Variants in RALY observed in about 807,000 individuals in gnomAD.
RALY encodes RNA-binding protein Raly.
Under a neutral mutation model 30.7 loss-of-function variants are expected in RALY, and 15 were observed. That is an observed-to-expected ratio of 0.49 (90% CI 0.33 to 0.75). RALY has a LOEUF of 0.75. RALY is among the 30% of genes least tolerant of loss of function. The pLI is 0.02. For missense variants in RALY, 339 were observed against 414.3 expected, an observed-to-expected ratio of 0.82 and a Z score of 1.58; for synonymous variants, 177 against 170.8, an observed-to-expected ratio of 1.04 and a Z score of -0.28.
chr20:34,060,764 C>G lies in RALY; in HGVS notation c.-9-11302C>G, dbSNP rs537017287. On this transcript the variant is annotated intron_variant, in intron 2 of 9. Transcript: ENST00000246194. ...CCTACACACAGCAAGCTTTACCTCT[C>G]TGTATACTGTGTCATATGACCCACT... Among the ~76,000 whole-genome samples the G allele has an allele frequency of 3.9e-5, 6 of 152,270 alleles. No homozygotes were observed. The East Asian group carries it at 1.2e-3, about 29-fold the overall frequency.
chr20:34,054,327 G>A (rs1206160852), intron 2 of RALY, among the ~76,000 whole-genome samples: 1 of 152,218 alleles, frequency 6.6e-6, no homozygotes, highest in Non-Finnish European at 1.5e-5. Flanking sequence ...GAATTTAATG[G>A]AGGGAGACAG....
chr20:34,020,169 G>A (rs946367059), intron 1 of RALY, among the ~76,000 whole-genome samples: 6 of 152,194 alleles, frequency 3.9e-5, no homozygotes, highest in Admixed American at 6.5e-5. Flanking sequence ...AATTAGATAG[G>A]CATGTGAAGG....
At chr20:34,013,172 G>A (rs2031475651) in intron 1 of RALY, among the ~76,000 whole-genome samples, 1 of 152,006 alleles carries the variant, frequency 6.6e-6, no homozygotes, top group Admixed American at 6.6e-5. Flanking sequence ...TGTTTGGTAA[G>A]TTAGGTGTAT....
chr20:34,030,879 AC>A (rs1485605817), intron 1 of RALY, among the ~76,000 whole-genome samples: 1 of 151,960 alleles, frequency 6.6e-6, no homozygotes, highest in Non-Finnish European at 1.5e-5. Context: ...TTCATGTCTT[AC>A]CCCAGACTTC....
Position 34,081,730 on chromosome 20 carries a change from G to A in RALY, c.*1825G>A, listed in dbSNP as rs1208030821. 1 of 152,346 alleles carries A rather than the reference G, an allele frequency of 6.6e-6. No homozygotes were observed. The highest frequency in any genetic ancestry group is 1.5e-5 in the Non-Finnish European group (1 of 68,134). The allele number at this position is 152,346 out of a possible 1,614,324, so 9.4% of individuals were successfully genotyped here. Reference sequence around the variant, plus strand: ...CATCCTGGGCAGGCGAGCACTCTGAGGCCCCAGTGTAGCTCTGTGCTTTGA... The same window carrying A: ...CATCCTGGGCAGGCGAGCACTCTGAAGCCCCAGTGTAGCTCTGTGCTTTGA... On this transcript the variant is annotated 3_prime_UTR_variant, in exon 10 of 10. Coordinates refer to ENST00000246194, the MANE Select transcript of RALY (RefSeq NM_016732.3).
At chr20:34,071,682 G>A (rs1236691485) in intron 2 of RALY, among the ~76,000 whole-genome samples, 1 of 152,072 alleles carries the variant, frequency 6.6e-6, no homozygotes, top group East Asian at 1.9e-4. Context: ...ATCCTGAATG[G>A]GATAACATTT....
intron 2 of RALY, among the ~76,000 whole-genome samples, chr20:34,043,964 A>G (rs755695550): frequency 2.4e-4 from 36 of 151,980 alleles, no homozygotes; most frequent in Non-Finnish European, 4.4e-4. Flanking sequence ...ATGAAGGAAT[A>G]CCTCCCAGAA....
At chr20:34,029,460 GGAGGGAGGGAGGGAGGA>G (rs1184847890) in intron 1 of RALY, among the ~76,000 whole-genome samples, 1 of 127,696 alleles carries the variant, frequency 7.8e-6, no homozygotes, top group African/African-American at 3.4e-5. Flanking sequence ...AAGGAAGAAA[GGAGGGAGGGAGGGAGGA>G]AAGGGAGGGA....
intron 2 of RALY, among the ~76,000 whole-genome samples, chr20:34,038,279 T>C (rs1021808524): frequency 1.3e-5 from 2 of 152,160 alleles, no homozygotes; most frequent in African/African-American, 4.8e-5. Flanking sequence ...GGATTTTGGC[T>C]GTGGCAGTGA....
chr20:34,061,279 G>C (rs1225102763), intron 2 of RALY, among the ~76,000 whole-genome samples: 1 of 152,114 alleles, frequency 6.6e-6, no homozygotes, highest in Non-Finnish European at 1.5e-5. Context: ...AGTGTTTGGT[G>C]GCAAGTCCTT....
chr20:34,059,029 C>T (rs2033339934), intron 2 of RALY, among the ~76,000 whole-genome samples: 1 of 152,098 alleles, frequency 6.6e-6, no homozygotes, highest in Non-Finnish European at 1.5e-5. Flanking sequence ...GCATCATTCT[C>T]AGTGGTCCCC....
intron 2 of RALY, among the ~76,000 whole-genome samples, chr20:34,071,819 T>C (rs1037918080): frequency 1.3e-5 from 2 of 152,272 alleles, no homozygotes. Flanking sequence ...TTGTAAAATG[T>C]TGTGGTTCTG....
Position 34,082,726 on chromosome 20 carries a change from G to A in RALY, c.*2821G>A, listed in dbSNP as rs997908785. On this transcript the variant is annotated 3_prime_UTR_variant, in exon 10 of 10. Transcript: ENST00000246194. ...ACACAGCCAGGCCCTTGGGTGGGAG[G>A]TTGGCTTCTAACAGTGCATACACAT... 6.6e-6 allele frequency: 1 copy of A among 152,256 alleles called. No homozygotes were observed. Among genetic ancestry groups the A allele is most frequent in the Non-Finnish European group, 1.5e-5 (1 of 68,070 alleles). 9.4% of individuals were successfully genotyped at this position (152,256 alleles called of 1,614,324 possible).
intron 1 of RALY, among the ~76,000 whole-genome samples, chr20:34,028,505 C>A (rs1435646107): frequency 6.6e-6 from 1 of 151,366 alleles, no homozygotes; most frequent in Admixed American, 6.6e-5. Context: ...GAGATCGAGA[C>A]CATCCTGGCT....
At chr20:34,051,621 A>G (rs995128679) in intron 2 of RALY, among the ~76,000 whole-genome samples, 1 of 152,014 alleles carries the variant, frequency 6.6e-6, no homozygotes, top group Non-Finnish European at 1.5e-5. Flanking sequence ...TTTGAGACAG[A>G]GTCTCGCTCT....
At chr20:34,029,628 C>T (rs1407733994) in intron 1 of RALY, among the ~76,000 whole-genome samples, 1 of 151,978 alleles carries the variant, frequency 6.6e-6, no homozygotes, top group Non-Finnish European at 1.5e-5. Flanking sequence ...TATTTGGAGT[C>T]TAAGTACCCC....
At chr20:34,041,509 G>A (rs954895194) in intron 2 of RALY, among the ~76,000 whole-genome samples, 6 of 152,270 alleles carry the variant, frequency 3.9e-5, no homozygotes, top group East Asian at 1.9e-4. Flanking sequence ...GGCGTTGGGC[G>A]TACCCAGTCT....
intron 1 of RALY, among the ~76,000 whole-genome samples, chr20:34,011,845 C>T (rs1197632126): frequency 1.3e-5 from 2 of 152,184 alleles, no homozygotes; most frequent in East Asian, 1.9e-4. Context: ...GCAGGCAGAT[C>T]GCTTGAGGTC....
At chr20:34,058,123 A>T (rs541437437) in intron 2 of RALY, among the ~76,000 whole-genome samples, 1 of 152,088 alleles carries the variant, frequency 6.6e-6, no homozygotes, top group African/African-American at 2.4e-5. Flanking sequence ...TTCTAAGACA[A>T]TGACAAGGGG....
Sources: allele counts gnomAD v4.1 joint callset (sites outside exome capture counted in the v4.1 genomes callset), GRCh38; gene constraint gnomAD v4.1.1; transcripts MANE v1.5; gene names NCBI Gene and HGNC (gene_info 2026-07-23, HGNC 2026-07-21).